The following SHANK2 variants were observed in gnomAD, a reference collection of about 807,000 sequenced individuals.
The protein encoded by SHANK2 is SH3 and multiple ankyrin repeat domains 2.
In SHANK2, 43 loss-of-function variants were observed where a neutral mutation model predicts 133.7. The observed-to-expected ratio is 0.32, with a 90% CI of 0.25 to 0.41. SHANK2 has a LOEUF of 0.41. Among genes scored for constraint, SHANK2 ranks in the 10% least tolerant of loss-of-function variants. The pLI is 1.00. For missense variants in SHANK2, 1,994 were observed against 2,235.8 expected, an observed-to-expected ratio of 0.89 and a Z score of 2.18; for synonymous variants, 1,017 against 952.8, an observed-to-expected ratio of 1.07 and a Z score of -1.24.
intron 15 of SHANK2, chr11:70,668,876 C>G (rs546303015): frequency 6.6e-6 from 1 of 152,248 alleles, no homozygotes; most frequent in African/African-American, 2.4e-5. Flanking sequence ...GGGCTGCAGA[C>G]GTTGGCTGCC....
At chr11:70,768,134 C>T (rs1947164986) in intron 14 of SHANK2, among the ~76,000 whole-genome samples, 1 of 152,204 alleles carries the variant, frequency 6.6e-6, no homozygotes, top group Non-Finnish European at 1.5e-5. Flanking sequence ...GACAGCTGCA[C>T]ATCCTGGGGC....
intron 1 of SHANK2, among the ~76,000 whole-genome samples, chr11:71,231,994 G>A (rs1954749561): frequency 6.6e-6 from 1 of 152,018 alleles, no homozygotes; most frequent in African/African-American, 2.4e-5. Context: ...GAAGCTCAAT[G>A]GTTAAACAAA....
At chr11:70,935,477 G>A (rs1266030444) in intron 10 of SHANK2, among the ~76,000 whole-genome samples, 5 of 152,076 alleles carry the variant, frequency 3.3e-5, no homozygotes, top group East Asian at 1.9e-4. Flanking sequence ...CCAAGCAGAC[G>A]GGTTCAAGGA....
At chr11:71,070,574 A>AG (rs1352352673) in intron 9 of SHANK2, among the ~76,000 whole-genome samples, 1 of 151,950 alleles carries the variant, frequency 6.6e-6, no homozygotes, top group Non-Finnish European at 1.5e-5. Flanking sequence ...AATCCTGGGG[A>AG]GGGGGATCCA....
intron 12 of SHANK2, among the ~76,000 whole-genome samples, chr11:70,809,907 T>C (rs1311758401): frequency 6.6e-6 from 1 of 152,202 alleles, no homozygotes. Context: ...GCCACAAATG[T>C]GGCAGTCACA....
At chr11:70,670,444 C>G (rs189442551) in intron 15 of SHANK2, among the ~76,000 whole-genome samples, 3 of 152,176 alleles carry the variant, frequency 2.0e-5, no homozygotes, top group Non-Finnish European at 2.9e-5. Context: ...CCAGCTCGGG[C>G]GCTTTGGCCG....
chr11:70,483,882 T>C (rs553265618), intron 25 of SHANK2, among the ~76,000 whole-genome samples: 2 of 152,314 alleles, frequency 1.3e-5, no homozygotes, highest in East Asian at 3.9e-4. Context: ...ATAGATGACA[T>C]CCAAGTCATT....
At chr11:70,888,008 T>C (rs183353194) in intron 11 of SHANK2, among the ~76,000 whole-genome samples, 1 of 152,322 alleles carries the variant, frequency 6.6e-6, no homozygotes, top group Admixed American at 6.5e-5. Flanking sequence ...CTAAGTTGTA[T>C]AAGACAAGTC....
At chr11:70,671,182 C>T (rs1035379722) in intron 15 of SHANK2, among the ~76,000 whole-genome samples, 1 of 152,202 alleles carries the variant, frequency 6.6e-6, no homozygotes, top group Non-Finnish European at 1.5e-5. Context: ...CTGCCAGGAA[C>T]GGCTGGCGGA....
chr11:70,534,929 G>T (rs936175836), intron 17 of SHANK2, among the ~76,000 whole-genome samples: 1 of 152,048 alleles, frequency 6.6e-6, no homozygotes, highest in Non-Finnish European at 1.5e-5. Context: ...AGTCAAGTTC[G>T]TTAGCTATGC....
chr11:70,861,079 C>T (rs1949251769), intron 11 of SHANK2, among the ~76,000 whole-genome samples: 1 of 152,218 alleles, frequency 6.6e-6, no homozygotes, highest in Admixed American at 6.5e-5. Flanking sequence ...GACCTGCCCC[C>T]TCTGCAGGCA....
chr11:71,070,624 C>T (rs1951130821), intron 9 of SHANK2, among the ~76,000 whole-genome samples: 1 of 152,346 alleles, frequency 6.6e-6, no homozygotes, highest in East Asian at 1.9e-4. Context: ...ATGCAGCCTT[C>T]CATTCCAAGG....
intron 17 of SHANK2, among the ~76,000 whole-genome samples, chr11:70,590,682 T>C (rs1310053373): frequency 6.6e-6 from 1 of 152,170 alleles, no homozygotes; most frequent in Non-Finnish European, 1.5e-5. Flanking sequence ...GTATTTTAAA[T>C]TAAGATATGC....
At chr11:70,704,036 C>T (rs1555024393) in intron 14 of SHANK2, among the ~76,000 whole-genome samples, 1 of 152,254 alleles carries the variant, frequency 6.6e-6, no homozygotes, top group Non-Finnish European at 1.5e-5. Flanking sequence ...CGCCCTACTC[C>T]TGCTGCTGGG....
At chr11:71,187,221 T>A (rs1271587036) in intron 2 of SHANK2, among the ~76,000 whole-genome samples, 1 of 152,208 alleles carries the variant, frequency 6.6e-6, no homozygotes, top group Non-Finnish European at 1.5e-5. Flanking sequence ...GCCAACAGAA[T>A]GGCACACTCA....
chr11:70,642,009 T>G (rs545420731), intron 17 of SHANK2, among the ~76,000 whole-genome samples: 39 of 152,110 alleles, frequency 2.6e-4, no homozygotes, highest in Non-Finnish European at 1.0e-4. Context: ...TTCCTGGGAG[T>G]TCCTGGGTCT....
chr11:70,787,375 CACCACCACTAGG>C (rs1555046841), intron 14 of SHANK2, among the ~76,000 whole-genome samples: 22 of 151,242 alleles, frequency 1.5e-4, no homozygotes, highest in African/African-American at 5.4e-4. Context: ...TCACCATGAC[CACCACCACTAGG>C]ATCACCACTA....
At chr11:70,949,908 T>C (rs1555086157) in intron 10 of SHANK2, among the ~76,000 whole-genome samples, 1 of 152,192 alleles carries the variant, frequency 6.6e-6, no homozygotes, top group African/African-American at 2.4e-5. Context: ...GGGTCGATTA[T>C]AAATGGCAGA....
chr11:70,709,971 G>A (rs968295130), intron 14 of SHANK2, among the ~76,000 whole-genome samples: 5 of 152,224 alleles, frequency 3.3e-5, no homozygotes, highest in South Asian at 2.1e-4. Context: ...CGGTTCCCAC[G>A]GAGAAGTAAA....
Sources: allele counts gnomAD v4.1 joint callset (sites outside exome capture counted in the v4.1 genomes callset), GRCh38; gene constraint gnomAD v4.1.1; transcripts MANE v1.5; gene names NCBI Gene and HGNC (gene_info 2026-07-23, HGNC 2026-07-21).